The following MSH3 variants were observed in gnomAD, a reference collection of about 807,000 sequenced individuals.
MSH3 encodes mutS homolog 3.
A neutral mutation model predicts 123.3 loss-of-function variants in MSH3; 106 were observed. The observed-to-expected ratio is 0.86, with a 90% CI of 0.73 to 1.01. MSH3 has a LOEUF of 1.01. Among genes scored for constraint, MSH3 ranks in the 50% least tolerant of loss-of-function variants. MSH3 has a pLI of 0.00. For missense variants in MSH3, 1,459 were observed against 1,347.6 expected (o/e 1.08, Z -1.29); for synonymous variants, 515 against 481.4 (o/e 1.07, Z -0.91).
chr5:80,732,532 C>A (rs1042880661), intron 10 of MSH3, among the ~76,000 whole-genome samples: 2 of 151,972 alleles, frequency 1.3e-5, no homozygotes, highest in African/African-American at 4.8e-5. Flanking sequence ...AGGATATTTC[C>A]CTAAAAAACA....
chr5:80,844,417 G>A (rs1036006569), intron 20 of MSH3, among the ~76,000 whole-genome samples: 4 of 152,046 alleles, frequency 2.6e-5, no homozygotes, highest in South Asian at 2.1e-4. Context: ...TTTTAGGTCC[G>A]TTTGGTCCAG....
chr5:80,717,320 C>T (rs908849093), intron 8 of MSH3, among the ~76,000 whole-genome samples: 6 of 152,116 alleles, frequency 3.9e-5, no homozygotes, highest in African/African-American at 2.4e-5. Flanking sequence ...GGCTGGAATG[C>T]GATGGCATAA....
intron 12 of MSH3, among the ~76,000 whole-genome samples, chr5:80,748,922 A>C (rs1743774790): frequency 6.6e-6 from 1 of 152,098 alleles, no homozygotes. Context: ...AGATTTGTTT[A>C]TCTTAGAGGT....
chr5:80,706,899 T>G (rs985125785), intron 8 of MSH3, among the ~76,000 whole-genome samples: 1 of 152,204 alleles, frequency 6.6e-6, no homozygotes, highest in Admixed American at 6.6e-5. Context: ...GCAATAAAAT[T>G]TATACATTTT....
At chr5:80,835,911 A>C (rs894966405) in intron 20 of MSH3, among the ~76,000 whole-genome samples, 8 of 149,114 alleles carry the variant, frequency 5.4e-5, no homozygotes, top group Admixed American at 4.7e-4. Flanking sequence ...AGACTGTCTC[A>C]AAAAAAAAAG....
rs563482697 is a variant in MSH3, at chr5:80,834,525, A to T, written c.2814-19605A>T. Among the ~76,000 whole-genome samples the T allele has an allele frequency of 2.0e-5, 3 of 149,332 alleles. No individual in the cohort carries two copies. The South Asian group carries it at 6.3e-4, about 31-fold the overall frequency. The stretch of plus-strand genomic sequence containing the variant: ...AAAAGCACTTGAAGTAAGTCAAAGA[A>T]TCCTCCTGTAATAGAAATAATCATT... On this transcript the variant is annotated intron_variant, in intron 20 of 23. Transcript: ENST00000265081.
At chr5:80,655,294 T>G in intron 1 of MSH3, 4 of 255,218 alleles carry the variant, frequency 1.6e-5, no homozygotes, top group East Asian at 1.2e-4. Context: ...CTTTTTTTTT[T>G]TCCTTGGTGG....
intron 8 of MSH3, among the ~76,000 whole-genome samples, chr5:80,708,404 T>G (rs1750766885): frequency 6.6e-6 from 1 of 152,108 alleles, no homozygotes; most frequent in South Asian, 2.1e-4. Context: ...TTATATGCAT[T>G]GAATTATGTT....
At position 80,691,976 on chromosome 5, in the gene MSH3, G is replaced by GATAAACATGTATATGTTTAT. The variant is rs1554068207; in HGVS notation, c.1340+12902_1340+12903insTATAAACATGTATATGTTTA. 6.9e-5 allele frequency among the ~76,000 whole-genome samples: 6 copies of GATAAACATGTATATGTTTAT among 87,346 alleles called. 2 individuals are homozygous for GATAAACATGTATATGTTTAT. The highest frequency in any genetic ancestry group is 2.8e-4 in the African/African-American group (6 of 21,598). 57.3% of individuals were successfully genotyped at this position (87,346 alleles called of 152,430 possible). On this transcript the variant is annotated intron_variant, in intron 8 of 23. Coordinates refer to ENST00000265081, the MANE Select transcript of MSH3 (RefSeq NM_002439.5). ...AGATAAACATGTATATGTTTATATA[G>GATAAACATGTATATGTTTAT]ATAAACATGTATATGTTTAGATAGA...
intron 16 of MSH3, 132 bp downstream of exon 16, chr5:80,775,890 C>CTTTT: frequency 3.8e-6 from 2 of 524,604 alleles, no homozygotes; most frequent in Non-Finnish European, 3.4e-6. Flanking sequence ...TCTGATGGAA[C>CTTTT]TTTTTTTTTT....
intron 16 of MSH3, among the ~76,000 whole-genome samples, chr5:80,776,010 C>T (rs1367702946): frequency 1.3e-4 from 20 of 151,976 alleles, no homozygotes; most frequent in Non-Finnish European, 2.8e-4. Context: ...GTGCCTCAGC[C>T]TCCCGAGTAG....
intron 22 of MSH3, among the ~76,000 whole-genome samples, chr5:80,871,708 G>A (rs1345408131): frequency 1.3e-5 from 2 of 152,130 alleles, no homozygotes; most frequent in African/African-American, 4.8e-5. Context: ...GAGTACCCAA[G>A]TCAGAAGCCA....
At chr5:80,745,801 A>G (rs1743708114) in intron 12 of MSH3, among the ~76,000 whole-genome samples, 2 of 152,182 alleles carry the variant, frequency 1.3e-5, no homozygotes, top group South Asian at 2.1e-4. Context: ...CTTTATGAGC[A>G]TTGTCTCTTT....
intron 3 of MSH3, among the ~76,000 whole-genome samples, chr5:80,665,837 CTT>C (rs985561161): frequency 6.6e-6 from 1 of 152,112 alleles, no homozygotes; most frequent in Non-Finnish European, 1.5e-5. Flanking sequence ...TGTTTTGAGA[CTT>C]TTAATGGTTT....
intron 20 of MSH3, among the ~76,000 whole-genome samples, chr5:80,831,974 T>C (rs1425290238): frequency 6.8e-6 from 1 of 147,616 alleles, no homozygotes; most frequent in Non-Finnish European, 1.5e-5. Context: ...CCGGGTGTGG[T>C]GGCGGGGCGC....
chr5:80,778,181 A>G (rs1053514786), intron 16 of MSH3, among the ~76,000 whole-genome samples: 1 of 152,164 alleles, frequency 6.6e-6, no homozygotes, highest in Non-Finnish European at 1.5e-5. Flanking sequence ...ATTTCTTCCT[A>G]TCCAGAGCCA....
intron 23 of MSH3, 107 bp downstream of exon 23, chr5:80,873,394 C>A: frequency 9.1e-7 from 1 of 1,093,800 alleles, no homozygotes; most frequent in Non-Finnish European, 1.3e-6. Context: ...TTTTAAGCAC[C>A]TCTTCAAATA....
intron 2 of MSH3, among the ~76,000 whole-genome samples, chr5:80,664,629 C>T (rs1677625): frequency 0.28 from 42,184 of 152,014 alleles, 6,090 homozygotes; most frequent in Middle Eastern, 0.35. Flanking sequence ...GAACAAATTG[C>T]TTTGAACCAA....
At chr5:80,761,272 C>T (rs6151794) in intron 12 of MSH3, among the ~76,000 whole-genome samples, 8 of 152,106 alleles carry the variant, frequency 5.3e-5, no homozygotes, top group African/African-American at 1.9e-4. Context: ...GACTGTAATC[C>T]CAGGTTCCAC....
Sources: allele counts gnomAD v4.1 joint callset (sites outside exome capture counted in the v4.1 genomes callset), GRCh38; gene constraint gnomAD v4.1.1; transcripts MANE v1.5; gene names NCBI Gene and HGNC (gene_info 2026-07-23, HGNC 2026-07-21).